The following EML1 variants were observed in gnomAD, a reference collection of about 807,000 sequenced individuals.
EML1 encodes the protein echinoderm microtubule-associated protein-like 1.
Under a neutral mutation model 110.4 loss-of-function variants are expected in EML1, and 27 were observed. That is an observed-to-expected ratio of 0.24 (90% CI 0.18 to 0.34). The LOEUF is 0.34. Ranked by LOEUF, EML1 falls within the 10% of genes least tolerant of loss-of-function variation. The probability of loss-of-function intolerance (pLI) is 1.00; values close to 1 mark genes in which losing one functional copy is unlikely to be tolerated. For missense variants in EML1, 741 were observed against 1,030.9 expected (o/e 0.72, Z 3.85); for synonymous variants, 344 against 385.8 (o/e 0.89, Z 1.27).
At chr14:99,748,597 G>A (rs1298658064) in intron 1 of EML1, among the ~76,000 whole-genome samples, 2 of 152,114 alleles carry the variant, frequency 1.3e-5, no homozygotes, top group Non-Finnish European at 2.9e-5. Flanking sequence ...GTTCAAGGCT[G>A]TAGTGAGTCA....
chr14:99,869,060 ATTGT>A (rs2059151086), intron 3 of EML1, among the ~76,000 whole-genome samples: 4 of 151,988 alleles, frequency 2.6e-5, no homozygotes, highest in Admixed American at 6.5e-5. Flanking sequence ...TTGACCATTG[ATTGT>A]TTAAGAGTGA....
Position 99,839,288 on chromosome 14 carries a change from A to G in EML1, c.68-11565A>G, listed in dbSNP as rs79749655. Among the ~76,000 whole-genome samples the G allele has an allele frequency of 9.8e-3, 1,495 of 152,230 alleles. 21 individuals carry two copies. The highest frequency in any genetic ancestry group is 0.033 in the African/African-American group (1,360 of 41,524). On this transcript the variant is annotated intron_variant, in intron 1 of 21. Coordinates refer to ENST00000262233, the MANE Select transcript of EML1 (RefSeq NM_004434.3). ...TCTGGCAAGCTTGTGATTCTGGCAT[A>G]TAACAGTTGGGGCAGGGTGGGGGCT...
chr14:99,837,803 G>A (rs2058564832), intron 1 of EML1, among the ~76,000 whole-genome samples: 1 of 151,994 alleles, frequency 6.6e-6, no homozygotes, highest in African/African-American at 2.4e-5. Flanking sequence ...TTTTTGTTTT[G>A]TTGTTTTATT....
chr14:99,897,500 G>A (rs2059691153), intron 7 of EML1, among the ~76,000 whole-genome samples: 1 of 152,200 alleles, frequency 6.6e-6, no homozygotes, highest in Non-Finnish European at 1.5e-5. Flanking sequence ...AGAAGGAAGA[G>A]GGTCTGAGGA....
intron 1 of EML1, among the ~76,000 whole-genome samples, chr14:99,819,671 G>C (rs1408109242): frequency 2.0e-5 from 3 of 152,202 alleles, no homozygotes; most frequent in Non-Finnish European, 4.4e-5. Context: ...CTTAGAGCTT[G>C]GTGTCAGGAA....
chr14:99,931,323 C>A (rs2060363753), intron 17 of EML1, among the ~76,000 whole-genome samples: 1 of 152,116 alleles, frequency 6.6e-6, no homozygotes, highest in African/African-American at 2.4e-5. Context: ...CTGTCTGTGC[C>A]ACTCACCTGG....
chr14:99,873,759 T>C (rs1245474025), intron 3 of EML1, among the ~76,000 whole-genome samples: 2 of 152,224 alleles, frequency 1.3e-5, no homozygotes, highest in African/African-American at 2.4e-5. Context: ...GTGAAAGATA[T>C]GAGCATTTGT....
intron 1 of EML1, among the ~76,000 whole-genome samples, chr14:99,832,711 G>A (rs944052124): frequency 6.6e-6 from 1 of 152,164 alleles, no homozygotes; most frequent in Non-Finnish European, 1.5e-5. Flanking sequence ...TTAAAATTGG[G>A]TTATTCACTT....
intron 1 of EML1, among the ~76,000 whole-genome samples, chr14:99,753,365 TG>T (rs1164281549): frequency 6.6e-6 from 1 of 151,716 alleles, no homozygotes; most frequent in Admixed American, 6.6e-5. Flanking sequence ...TGGCCCTCCC[TG>T]GGGGGTCAAG....
intron 3 of EML1, among the ~76,000 whole-genome samples, chr14:99,872,127 T>G (rs536499772): frequency 2.0e-5 from 3 of 152,288 alleles, no homozygotes; most frequent in Admixed American, 1.3e-4. Flanking sequence ...CAGCAAAGAT[T>G]TCTCAGATTG....
chr14:99,877,753 C>T (rs78612179), intron 3 of EML1, among the ~76,000 whole-genome samples: 79 of 152,352 alleles, frequency 5.2e-4, no homozygotes, highest in African/African-American at 1.9e-3. Flanking sequence ...GCACTATCGA[C>T]GTCTGGGGCC....
At chr14:99,920,914 A>G in intron 17 of EML1, 37 bp downstream of exon 17, 1 of 1,572,906 alleles carries the variant, frequency 6.4e-7, no homozygotes, top group Non-Finnish European at 8.7e-7. Flanking sequence ...TATTTTTTTA[A>G]TCAACTTTTA....
intron 1 of EML1, among the ~76,000 whole-genome samples, chr14:99,803,861 T>C (rs1248991757): frequency 6.6e-6 from 1 of 152,246 alleles, no homozygotes. Context: ...AGCATTACTG[T>C]GCACTTTAGC....
intron 17 of EML1, among the ~76,000 whole-genome samples, chr14:99,923,206 C>T (rs1448128226): frequency 6.6e-6 from 1 of 152,208 alleles, no homozygotes; most frequent in African/African-American, 2.4e-5. Flanking sequence ...CCTCCCAAAA[C>T]TGCTGGGATT....
chr14:99,922,738 A>G (rs887035650), intron 17 of EML1, among the ~76,000 whole-genome samples: 3 of 152,168 alleles, frequency 2.0e-5, no homozygotes, highest in Admixed American at 1.3e-4. Context: ...CCTAATGACT[A>G]TTGATATTGA....
chr14:99,842,704 A>G (rs1273605561), intron 1 of EML1, among the ~76,000 whole-genome samples: 2 of 152,174 alleles, frequency 1.3e-5, no homozygotes, highest in African/African-American at 2.4e-5. Context: ...TGATTTGTGC[A>G]GTTTTATTAA....
chr14:99,868,423 C>T (rs191978670), intron 3 of EML1, among the ~76,000 whole-genome samples: 78 of 152,202 alleles, frequency 5.1e-4, no homozygotes, highest in Middle Eastern at 3.4e-3. Flanking sequence ...TAGAATTCTC[C>T]GCTGCAGCCA....
At chr14:99,742,390 A>G (rs1477004636) in intron 1 of EML1, among the ~76,000 whole-genome samples, 2 of 152,038 alleles carry the variant, frequency 1.3e-5, no homozygotes, top group Non-Finnish European at 2.9e-5. Context: ...GGGGATGGAG[A>G]AGGTACATGG....
At chr14:99,739,498 C>T (rs2057017003) in intron 1 of EML1, among the ~76,000 whole-genome samples, 1 of 152,178 alleles carries the variant, frequency 6.6e-6, no homozygotes, top group African/African-American at 2.4e-5. Flanking sequence ...TGGGCCTCAC[C>T]ATCCCTTCCC....
Sources: gnomAD v4.1 joint callset for allele counts (sites outside exome capture counted in the v4.1 genomes callset) on GRCh38, gnomAD v4.1.1 for gene constraint, MANE v1.5 for transcripts, NCBI Gene and HGNC (gene_info 2026-07-23, HGNC 2026-07-21) for gene names.